Variants in WNK1 observed in about 807,000 individuals in gnomAD.
The protein encoded by WNK1 is WNK lysine deficient protein kinase 1, also known as serine/threonine-protein kinase WNK1.
In WNK1, 38 loss-of-function variants were observed where a neutral mutation model predicts 222.8. The observed-to-expected ratio is 0.17, with a 90% confidence interval of 0.13 to 0.22. The LOEUF (loss-of-function observed/expected upper bound fraction) is 0.22, where lower values mean the gene tolerates loss of function less well. WNK1 is among the 10% of genes least tolerant of loss of function. The pLI is 1.00. For missense variants in WNK1, 2,348 were observed against 2,918.4 expected (o/e 0.80, Z 4.50); for synonymous variants, 1,090 against 1,092.9 (o/e 1.00, Z 0.05).
intron 1 of WNK1, among the ~76,000 whole-genome samples, chr12:775,861 C>T (rs1943026349): frequency 6.6e-6 from 1 of 152,144 alleles, no homozygotes; most frequent in African/African-American, 2.4e-5. Context: ...GGTGAAGAGA[C>T]TGAAATGAAG....
Position 818,153 on chromosome 12 carries a change from G to T in WNK1, c.932+4339G>T, listed in dbSNP as rs138431531. The stretch of plus-strand genomic sequence containing the variant: ...TTTTAATCACCTCAGAACACTCTGT[G>T]CCCATTAAGCAGTTACTCTGCATTT... On this transcript the variant is annotated intron_variant, in intron 2 of 27. Transcript: ENST00000315939. 2.5e-4 allele frequency among the ~76,000 whole-genome samples: 38 copies of T among 152,250 alleles called. No homozygotes were observed. In the East Asian group the frequency reaches 5.8e-3, roughly 23 times the overall value.
At chr12:763,438 A>G (rs1364347720) in intron 1 of WNK1, among the ~76,000 whole-genome samples, 2 of 146,582 alleles carry the variant, frequency 1.4e-5, no homozygotes, top group Non-Finnish European at 3.0e-5. Context: ...ACAAAAAAAA[A>G]ACTAGCCGGG....
intron 8 of WNK1, among the ~76,000 whole-genome samples, chr12:863,422 T>C (rs1474240795): frequency 6.6e-6 from 1 of 152,196 alleles, no homozygotes; most frequent in African/African-American, 2.4e-5. Context: ...GAGGGTAGAA[T>C]AGAAGAACTT....
At position 827,507 on chromosome 12, in the gene WNK1, T is replaced by G. The variant is rs1341581439; in HGVS notation, c.1153+245T>G. ...AGTGAACTTTGTTGATAAAACCTAA[T>G]GTAATAGCCTTTTTTGTTGTTGTTG... On this transcript the variant is annotated intron_variant, in intron 3 of 27. Transcript: ENST00000315939. This position sits in a 1 kb window ranked among gnomAD's most constrained non-coding sequence, Gnocchi z 4.6. 5 of 557,072 alleles carry G rather than the reference T, an allele frequency of 9.0e-6. No individual in the cohort carries two copies. The East Asian group carries it at 1.4e-4, about 16-fold the overall frequency. 34.5% of individuals were successfully genotyped at this position (557,072 alleles called of 1,614,324 possible). A position where few individuals can be genotyped will look rare whatever the true frequency, so the allele number is the denominator to read the frequency against.
At chr12:809,640 A>G (rs1028080159) in intron 1 of WNK1, among the ~76,000 whole-genome samples, 18 of 152,192 alleles carry the variant, frequency 1.2e-4, no homozygotes, top group African/African-American at 3.9e-4. Context: ...AGTTTTTCCA[A>G]CCTTTCCCAG....
At chr12:831,442 G>A (rs1296804707) in intron 4 of WNK1, among the ~76,000 whole-genome samples, 1 of 151,898 alleles carries the variant, frequency 6.6e-6, no homozygotes, top group African/African-American at 2.4e-5. Context: ...GGAGGCTGAG[G>A]CCCGAGAATC....
chr12:782,326 A>T (rs1483691385), intron 1 of WNK1, among the ~76,000 whole-genome samples: 3 of 152,182 alleles, frequency 2.0e-5, no homozygotes, highest in Non-Finnish European at 4.4e-5. Flanking sequence ...GTCCTGTAGT[A>T]CATCTTATTT....
intron 1 of WNK1, among the ~76,000 whole-genome samples, chr12:757,309 CTTTTTTTT>C (rs946901263): frequency 3.2e-4 from 27 of 83,606 alleles, no homozygotes; most frequent in Admixed American, 1.5e-3. Context: ...AGCATCAATT[CTTTTTTTT>C]TTTTTTTTTT....
At chr12:832,818 A>G (rs1208654409) in intron 4 of WNK1, among the ~76,000 whole-genome samples, 1 of 152,180 alleles carries the variant, frequency 6.6e-6, no homozygotes, top group East Asian at 1.9e-4. Context: ...CTGACTCTCA[A>G]TTTGGGCTGA....
intron 26 of WNK1, among the ~76,000 whole-genome samples, chr12:902,614 A>G (rs950321343): frequency 1.3e-5 from 2 of 152,188 alleles, no homozygotes; most frequent in Non-Finnish European, 2.9e-5. Flanking sequence ...TCCTTCTAAC[A>G]TGATTTCTGG....
At chr12:866,463 A>G (rs1171233406) in intron 8 of WNK1, among the ~76,000 whole-genome samples, 1 of 152,130 alleles carries the variant, frequency 6.6e-6, no homozygotes, top group Non-Finnish European at 1.5e-5. Flanking sequence ...CCTGGGTTCA[A>G]GTGATTCTCC....
intron 1 of WNK1, among the ~76,000 whole-genome samples, chr12:796,428 T>TAA (rs1266056384): frequency 6.6e-6 from 1 of 152,038 alleles, no homozygotes; most frequent in Non-Finnish European, 1.5e-5. Flanking sequence ...AGGAGCTTGA[T>TAA]AATTGGAAAG....
At chr12:904,005 A>C (rs556449270) in intron 26 of WNK1, among the ~76,000 whole-genome samples, 1 of 152,318 alleles carries the variant, frequency 6.6e-6, no homozygotes, top group South Asian at 2.1e-4. Flanking sequence ...TGTAACAGTG[A>C]TACTATCAGT....
In WNK1 at chr12:911,449, T is replaced by G. The variant is rs1956078983; in HGVS notation, c.*2657T>G. The stretch of plus-strand genomic sequence containing the variant: ...TTCAAATAAACCAAACTTGCTTTTG[T>G]TGAGCTGTGGGGTTTCATTTCCAGA... On this transcript the variant is annotated 3_prime_UTR_variant, in exon 28 of 28. Transcript: ENST00000315939. The G allele has an allele frequency of 2.5e-6, 1 of 398,582 alleles. No homozygotes were observed. The allele number at this position is 398,582 out of a possible 1,614,324, so 24.7% of individuals were successfully genotyped here.
intron 1 of WNK1, among the ~76,000 whole-genome samples, chr12:807,504 G>T (rs1404314121): frequency 1.3e-5 from 2 of 151,996 alleles, no homozygotes; most frequent in East Asian, 3.9e-4. Flanking sequence ...TTGCTTTCCT[G>T]TGGTGGCAGA....
intron 26 of WNK1, among the ~76,000 whole-genome samples, chr12:907,158 C>T (rs1955779647): frequency 6.6e-6 from 1 of 151,512 alleles, no homozygotes; most frequent in African/African-American, 2.4e-5. Context: ...CCTGTCTCTA[C>T]TAAAATACAA....
intron 20 of WNK1, among the ~76,000 whole-genome samples, chr12:888,817 C>T (rs1301321992): frequency 2.0e-5 from 3 of 152,124 alleles, no homozygotes; most frequent in Non-Finnish European, 4.4e-5. Flanking sequence ...ACATTTTTCA[C>T]AATATATTTT....
chr12:758,831 C>G (rs920220889), intron 1 of WNK1, among the ~76,000 whole-genome samples: 1 of 146,458 alleles, frequency 6.8e-6, no homozygotes, highest in Admixed American at 6.8e-5. Flanking sequence ...TTTTCTGACC[C>G]GTAGTAACAC....
intron 9 of WNK1, among the ~76,000 whole-genome samples, chr12:876,944 CTTTA>C (rs1952674100): frequency 6.6e-6 from 1 of 150,756 alleles, no homozygotes; most frequent in Non-Finnish European, 1.5e-5. Flanking sequence ...TTTTCATTAA[CTTTA>C]TAATATGATG....
Sources: gnomAD v4.1 joint callset for allele counts (sites outside exome capture counted in the v4.1 genomes callset) on GRCh38, gnomAD v4.1.1 for gene constraint, Gnocchi (gnomAD v3.1) non-coding constraint, MANE v1.5 for transcripts, NCBI Gene and HGNC (gene_info 2026-07-23, HGNC 2026-07-21) for gene names.